Variants in SHISA9 observed in about 807,000 individuals in gnomAD.
The protein encoded by SHISA9 is protein shisa-9.
In SHISA9, 13 loss-of-function variants were observed where a neutral mutation model predicts 38.0. That is an observed-to-expected ratio of 0.34 (90% CI 0.22 to 0.54). The LOEUF (loss-of-function observed/expected upper bound fraction) is 0.54. Among genes scored for constraint, SHISA9 ranks in the 20% least tolerant of loss-of-function variants. SHISA9 has a pLI of 0.91. For synonymous variants in SHISA9, 275 were observed against 242.0 expected, an observed-to-expected ratio of 1.14 and a Z score of -1.27; for missense variants, 538 against 575.8, an observed-to-expected ratio of 0.93 and a Z score of 0.67.
intron 2 of SHISA9, among the ~76,000 whole-genome samples, chr16:12,995,840 G>A (rs1053393691): frequency 3.3e-5 from 5 of 152,276 alleles, no homozygotes; most frequent in South Asian, 4.1e-4. Context: ...GTCAAGATGC[G>A]TGTACGAAAG....
At chr16:13,524,122 A>G in the SHISA9 span, among the ~76,000 whole-genome samples, 2 of 152,118 alleles carry the variant, frequency 1.3e-5, no homozygotes, top group Non-Finnish European at 2.9e-5. Context: ...TGCCTTATTA[A>G]CAGGGACCTG....
the SHISA9 span, among the ~76,000 whole-genome samples, chr16:13,530,588 C>G: frequency 6.6e-6 from 1 of 152,110 alleles, no homozygotes; most frequent in Non-Finnish European, 1.5e-5. Flanking sequence ...AAGAGCTAAT[C>G]ATTTTTTTGT....
intron 2 of SHISA9, among the ~76,000 whole-genome samples, chr16:13,150,925 C>T (rs1376292929): frequency 6.6e-6 from 1 of 152,062 alleles, no homozygotes; most frequent in Non-Finnish European, 1.5e-5. Flanking sequence ...CCTTTTTGCC[C>T]TCATCTCAAA....
the SHISA9 span, among the ~76,000 whole-genome samples, chr16:13,477,059 C>G: frequency 2.8e-4 from 43 of 151,924 alleles, no homozygotes; most frequent in Non-Finnish European, 4.7e-4. Context: ...TTCTTTTGAA[C>G]AATGTTCTTA....
chr16:13,364,879 G>A, the SHISA9 span, among the ~76,000 whole-genome samples: 104 of 152,322 alleles, frequency 6.8e-4, no homozygotes, highest in African/African-American at 2.3e-3. Flanking sequence ...TGTGTAGGCA[G>A]TAAGAACGAG....
At chr16:12,909,309 A>T (rs1413149944) in intron 1 of SHISA9, 3 of 985,280 alleles carry the variant, frequency 3.0e-6, no homozygotes, top group Non-Finnish European at 3.6e-6. Flanking sequence ...TGTAATCATT[A>T]CTCTAGAAAG....
the SHISA9 span, among the ~76,000 whole-genome samples, chr16:13,319,985 A>G: frequency 6.6e-6 from 1 of 152,020 alleles, no homozygotes; most frequent in Admixed American, 6.6e-5. Context: ...TTAAAATGAA[A>G]TGTTAGGTTA....
chr16:13,469,583 T>C, the SHISA9 span, among the ~76,000 whole-genome samples: 1 of 152,194 alleles, frequency 6.6e-6, no homozygotes, highest in African/African-American at 2.4e-5. Flanking sequence ...CTCATCCAAA[T>C]GACTCTGGCT....
intron 3 of SHISA9, among the ~76,000 whole-genome samples, chr16:13,206,276 C>G (rs1444328544): frequency 3.9e-5 from 6 of 152,136 alleles, no homozygotes; most frequent in Admixed American, 3.9e-4. Context: ...TCTGGGCAGG[C>G]AGAAAACCCC....
the SHISA9 span, among the ~76,000 whole-genome samples, chr16:13,296,170 C>A: frequency 6.6e-6 from 1 of 151,636 alleles, no homozygotes; most frequent in Non-Finnish European, 1.5e-5. Flanking sequence ...CACTATCAAC[C>A]CCACCTCTTC....
intron 2 of SHISA9, among the ~76,000 whole-genome samples, chr16:13,096,291 A>G (rs2073826429): frequency 6.6e-6 from 1 of 152,246 alleles, no homozygotes; most frequent in South Asian, 2.1e-4. Flanking sequence ...CAAGGCCCTC[A>G]TCTACCCTTA....
chr16:13,196,155 T>G (rs1292069229), intron 2 of SHISA9, among the ~76,000 whole-genome samples: 1 of 145,174 alleles, frequency 6.9e-6, no homozygotes, highest in East Asian at 2.1e-4. Context: ...CCCAGCACTT[T>G]GAGAGGCTGA....
chr16:13,104,233 T>C (rs1272177443), intron 2 of SHISA9, among the ~76,000 whole-genome samples: 1 of 152,166 alleles, frequency 6.6e-6, no homozygotes, highest in Non-Finnish European at 1.5e-5. Context: ...TAGTATTTAA[T>C]AGTATGAGCT....
chr16:13,241,180 G>A (rs1322632350), downstream of SHISA9, among the ~76,000 whole-genome samples: 1 of 152,170 alleles, frequency 6.6e-6, no homozygotes, highest in Admixed American at 6.5e-5. Flanking sequence ...GACACTCCTA[G>A]GCTGTCATGT....
intron 2 of SHISA9, among the ~76,000 whole-genome samples, chr16:13,142,788 C>T (rs1450674928): frequency 6.6e-6 from 1 of 152,080 alleles, no homozygotes; most frequent in Non-Finnish European, 1.5e-5. Context: ...ATGTTGAACA[C>T]ACTGAAAGCA....
chr16:13,186,434 A>C lies in SHISA9; in HGVS notation c.692-16960A>C, dbSNP rs377272961. On this transcript the variant is annotated intron_variant, in intron 2 of 4. Transcript: ENST00000558583. The stretch of plus-strand genomic sequence containing the variant: ...TGCCTCAGCCTCCTGAGTAGCTGGA[A>C]TTACAGGTGCATGCCACCACACCCG... 1.4e-4 allele frequency among the ~76,000 whole-genome samples: 21 copies of C among 151,464 alleles called. No individual in the cohort carries two copies. The East Asian group carries it at 3.9e-3, about 28-fold the overall frequency.
intron 2 of SHISA9, among the ~76,000 whole-genome samples, chr16:12,972,509 C>A (rs899856039): frequency 2.0e-5 from 3 of 152,270 alleles, no homozygotes; most frequent in African/African-American, 7.2e-5. Flanking sequence ...TAGACTCCAG[C>A]AAGGAGTTTA....
chr16:13,224,972 C>A (rs1440548043), intron 4 of SHISA9, among the ~76,000 whole-genome samples: 1 of 152,076 alleles, frequency 6.6e-6, no homozygotes, highest in African/African-American at 2.4e-5. Flanking sequence ...GAACCTCAGG[C>A]TGGGAATGCA....
chr16:13,139,931 G>A, intron 2 of SHISA9, among the ~76,000 whole-genome samples: 1 of 152,066 alleles, frequency 6.6e-6, no homozygotes, highest in Non-Finnish European at 1.5e-5. Flanking sequence ...ATATCCTGGT[G>A]GCTTTGTCAC....
Sources: allele counts gnomAD v4.1 joint callset (sites outside exome capture counted in the v4.1 genomes callset), GRCh38; gene constraint gnomAD v4.1.1; transcripts MANE v1.5; gene names NCBI Gene and HGNC (gene_info 2026-07-23, HGNC 2026-07-21).